EYS: variants seen among roughly 807,000 people sequenced by gnomAD.
EYS encodes the protein protein eyes shut homolog.
Under a neutral mutation model 282.1 loss-of-function variants are expected in EYS, and 250 were observed. That is an observed-to-expected ratio of 0.89 (90% confidence interval 0.80 to 0.98). The LOEUF (loss-of-function observed/expected upper bound fraction) is 0.98, where lower values mean the gene tolerates loss of function less well. Ranked by LOEUF, EYS falls within the 50% of genes least tolerant of loss-of-function variation. The pLI, the probability that EYS is intolerant of heterozygous loss-of-function variation, is 0.00. For missense variants in EYS, 4,016 were observed against 3,709.0 expected (o/e 1.08, Z -2.15); for synonymous variants, 1,355 against 1,282.9 (o/e 1.06, Z -1.20).
chr6:64,024,656 C>T (rs889556443), intron 33 of EYS, among the ~76,000 whole-genome samples: 5 of 152,096 alleles, frequency 3.3e-5, no homozygotes, highest in African/African-American at 1.2e-4. Flanking sequence ...CTGTGAAGGT[C>T]TGCAGCTTCA....
intron 11 of EYS, among the ~76,000 whole-genome samples, chr6:65,333,734 T>C (rs186756973): frequency 0.018 from 2,695 of 151,650 alleles, 80 homozygotes; most frequent in African/African-American, 0.061. Context: ...TATATACATA[T>C]ATATATACAC....
At chr6:64,659,195 A>T (rs1433107571) in intron 22 of EYS, among the ~76,000 whole-genome samples, 1 of 152,156 alleles carries the variant, frequency 6.6e-6, no homozygotes, top group Admixed American at 6.5e-5. Flanking sequence ...AATGAGAACA[A>T]AGACACAACA....
Position 65,004,990 on chromosome 6 carries a change from T to C in EYS, c.2138-7287A>G, listed in dbSNP as rs182894987. Reference sequence around the variant, plus strand: ...CATTGCAATTAAGAAAGTAGATTATTGGGCAACCCCCTTTGGGTCCCCTCC... The same window carrying C: ...CATTGCAATTAAGAAAGTAGATTATCGGGCAACCCCCTTTGGGTCCCCTCC... On this transcript the variant is annotated intron_variant, in intron 13 of 42. Coordinates refer to ENST00000503581, the MANE Select transcript of EYS (RefSeq NM_001142800.2). Among the ~76,000 whole-genome samples the C allele has an allele frequency of 5.1e-4, 75 of 148,260 alleles. 6 individuals are homozygous for C. Among genetic ancestry groups the C allele is most frequent in the Non-Finnish European group, 9.2e-4 (61 of 66,076 alleles).
chr6:64,682,623 C>T (rs1769939805), intron 22 of EYS, among the ~76,000 whole-genome samples: 1 of 152,114 alleles, frequency 6.6e-6, no homozygotes, highest in Non-Finnish European at 1.5e-5. Flanking sequence ...ACTGTGCGCC[C>T]TCACCTTCCA....
intron 28 of EYS, among the ~76,000 whole-genome samples, chr6:64,433,449 A>C (rs1011261651): frequency 5.3e-5 from 8 of 152,042 alleles, no homozygotes; most frequent in African/African-American, 1.2e-4. Context: ...AAATAAAATT[A>C]ATGGAGCTTC....
intron 19 of EYS, among the ~76,000 whole-genome samples, chr6:64,827,278 C>A (rs923324569): frequency 6.6e-6 from 1 of 151,882 alleles, no homozygotes; most frequent in South Asian, 2.1e-4. Flanking sequence ...TGAGGTCTTA[C>A]AAAATTCTAG....
intron 30 of EYS, among the ~76,000 whole-genome samples, chr6:64,255,994 G>A (rs1211642114): frequency 1.3e-5 from 2 of 151,938 alleles, no homozygotes; most frequent in East Asian, 3.9e-4. Flanking sequence ...ATGTGCGACT[G>A]TAAGAGCTAC....
chr6:64,331,310 A>G (rs1209535198), intron 29 of EYS, among the ~76,000 whole-genome samples: 1 of 152,214 alleles, frequency 6.6e-6, no homozygotes, highest in Non-Finnish European at 1.5e-5. Context: ...CTTAGAAGCC[A>G]TATGGGCTCC....
intron 28 of EYS, among the ~76,000 whole-genome samples, chr6:64,407,980 G>T (rs190730051): frequency 6.6e-6 from 1 of 152,152 alleles, no homozygotes; most frequent in Non-Finnish European, 1.5e-5. Context: ...TGATTGACCC[G>T]CCTCTTCAAG....
chr6:63,850,952 T>G (rs1024763277), intron 36 of EYS, among the ~76,000 whole-genome samples: 1 of 152,138 alleles, frequency 6.6e-6, no homozygotes, highest in African/African-American at 2.4e-5. Context: ...AAGACACACA[T>G]AGGCTCAAAA....
chr6:63,818,574 A>G (rs1771241305), intron 36 of EYS, among the ~76,000 whole-genome samples: 1 of 151,874 alleles, frequency 6.6e-6, no homozygotes, highest in African/African-American at 2.4e-5. Flanking sequence ...TTTACTTCTA[A>G]CCTTCCTCTG....
intron 19 of EYS, 31 bp downstream of exon 19, chr6:64,886,666 G>A: frequency 4.7e-6 from 7 of 1,488,772 alleles, no homozygotes; most frequent in Non-Finnish European, 6.3e-6. Flanking sequence ...ACAGAAATAT[G>A]TTGCTGCACA....
At chr6:65,192,297 G>C (rs887348528) in intron 12 of EYS, among the ~76,000 whole-genome samples, 1 of 129,998 alleles carries the variant, frequency 7.7e-6, no homozygotes, top group Non-Finnish European at 1.7e-5. Context: ...TCTACTCTGT[G>C]TGTGTGTGTG....
At position 63,978,556 on chromosome 6, in the gene EYS, G is replaced by A. The variant is rs924948377; in HGVS notation, c.7055+5827C>T. The stretch of plus-strand genomic sequence containing the variant: ...TTTTCCTGTGGTATTTAGAAGAATA[G>A]GGTAGACTGCTGAGCTAGATTTGGG... On this transcript the variant is annotated intron_variant, in intron 35 of 42. Coordinates refer to ENST00000503581, the MANE Select transcript of EYS (RefSeq NM_001142800.2). Among the ~76,000 whole-genome samples the A allele has an allele frequency of 3.3e-5, 5 of 151,928 alleles. No homozygotes were observed. In the South Asian group the frequency reaches 1.0e-3, roughly 31 times the overall value.
intron 22 of EYS, among the ~76,000 whole-genome samples, chr6:64,644,787 A>G (rs1013468374): frequency 1.8e-4 from 27 of 152,288 alleles, no homozygotes; most frequent in African/African-American, 6.5e-4. Context: ...TTACACTGCA[A>G]TTGCTAACTA....
chr6:65,417,936 T>C (rs1337989996), intron 5 of EYS, among the ~76,000 whole-genome samples: 1 of 151,814 alleles, frequency 6.6e-6, no homozygotes, highest in African/African-American at 2.4e-5. Context: ...AAAAAGCACA[T>C]GGGGAGCAAA....
chr6:64,775,491 T>C (rs927570830), intron 22 of EYS, among the ~76,000 whole-genome samples: 1 of 152,006 alleles, frequency 6.6e-6, no homozygotes, highest in African/African-American at 2.4e-5. Context: ...AAAACGGGCA[T>C]AAAAATGTAT....
chr6:63,733,174 G>C (rs867920115), intron 41 of EYS, among the ~76,000 whole-genome samples: 1 of 152,218 alleles, frequency 6.6e-6, no homozygotes, highest in South Asian at 2.1e-4. Context: ...AATAGATAAA[G>C]TCAGAGAGGT....
chr6:64,156,033 TG>T (rs1774907208), intron 31 of EYS, among the ~76,000 whole-genome samples: 1 of 150,846 alleles, frequency 6.6e-6, no homozygotes, highest in Admixed American at 6.6e-5. Flanking sequence ...TGTGTGTGTG[TG>T]TGTGTGTTTG....
Sources: gnomAD v4.1 joint callset for allele counts (sites outside exome capture counted in the v4.1 genomes callset) on GRCh38, gnomAD v4.1.1 for gene constraint, MANE v1.5 for transcripts, NCBI Gene and HGNC (gene_info 2026-07-23, HGNC 2026-07-21) for gene names.